The following DIAPH1 variants were observed in gnomAD, a reference collection of about 807,000 sequenced individuals.
DIAPH1 encodes protein diaphanous homolog 1.
Under a neutral mutation model 140.7 loss-of-function variants are expected in DIAPH1, and 46 were observed. The ratio of observed to expected loss-of-function variants is 0.33; its 90% CI spans 0.26 to 0.42. DIAPH1 has a LOEUF of 0.42. Ranked by LOEUF, DIAPH1 falls within the 10% of genes least tolerant of loss-of-function variation. The pLI, the probability that DIAPH1 is intolerant of heterozygous loss-of-function variation, is 1.00. For synonymous variants in DIAPH1, 565 were observed against 551.6 expected, an observed-to-expected ratio of 1.02 and a Z score of -0.34; for missense variants, 1,310 against 1,558.7, an observed-to-expected ratio of 0.84 and a Z score of 2.69.
At chr5:141,581,243 G>A (rs1367134860) in intron 7 of DIAPH1, among the ~76,000 whole-genome samples, 1 of 152,100 alleles carries the variant, frequency 6.6e-6, no homozygotes, top group African/African-American at 2.4e-5. Context: ...TTGCCAACAA[G>A]CTACCAGAAA....
chr5:141,517,617 A>C (rs919262901), intron 27 of DIAPH1, among the ~76,000 whole-genome samples: 1 of 152,070 alleles, frequency 6.6e-6, no homozygotes, highest in Non-Finnish European at 1.5e-5. Flanking sequence ...CAAAGGTAGC[A>C]GCCGTAATAC....
In DIAPH1 at chr5:141,576,523, C is replaced by G. The variant is rs138796276; in HGVS notation, c.1397-229G>C. On this transcript the variant is annotated intron_variant, in intron 13 of 27. Transcript: ENST00000389054. The stretch of plus-strand genomic sequence containing the variant: ...GAATGCCTATGAGTGATATTTTTGA[C>G]TCTCTGAGACCACCAGGAGTTCCTG... Among the ~76,000 whole-genome samples, 564 of 152,304 alleles carry G rather than the reference C, an allele frequency of 3.7e-3. 5 individuals are homozygous for G. Among genetic ancestry groups the G allele is most frequent in the Admixed American group, 0.011 (165 of 15,308 alleles).
intron 16 of DIAPH1, among the ~76,000 whole-genome samples, chr5:141,572,570 G>T (rs775085494): frequency 6.6e-6 from 1 of 152,184 alleles, no homozygotes; most frequent in Non-Finnish European, 1.5e-5. Context: ...GGGAGGCCAA[G>T]GTGGGCGGAT....
chr5:141,544,330 TAAAG>T (rs1273494495), intron 18 of DIAPH1, among the ~76,000 whole-genome samples: 3 of 151,276 alleles, frequency 2.0e-5, no homozygotes, highest in South Asian at 2.1e-4. Context: ...AAAATAAAAA[TAAAG>T]AAAGAAAAGA....
intron 1 of DIAPH1, among the ~76,000 whole-genome samples, chr5:141,606,638 G>C (rs2099901017): frequency 6.6e-6 from 1 of 152,036 alleles, no homozygotes; most frequent in Non-Finnish European, 1.5e-5. Flanking sequence ...CAGGTGATCT[G>C]CCCACCTCGG....
chr5:141,529,708 A>G lies in DIAPH1; in HGVS notation c.2582-11T>C, dbSNP rs769537207. 6.2e-6 allele frequency: 10 copies of G among 1,609,308 alleles called. No homozygotes were observed. Among genetic ancestry groups the G allele is most frequent in the Admixed American group, 3.3e-5 (2 of 60,012 alleles). On this transcript the variant is annotated splice_polypyrimidine_tract_variant and intron_variant, in intron 19 of 27. Coordinates refer to ENST00000389054, the MANE Select transcript of DIAPH1 (RefSeq NM_005219.5). ...AACCCAAAAAGATTGCTGCCAGAAAATGAGATATTAAGACATGTTCTTCTC... is the reference window on the plus strand; with the variant it reads ...AACCCAAAAAGATTGCTGCCAGAAAGTGAGATATTAAGACATGTTCTTCTC...
At chr5:141,526,688 TTGTTTGTTTGTTTG>T (rs1190301908) in intron 24 of DIAPH1, among the ~76,000 whole-genome samples, 1 of 149,010 alleles carries the variant, frequency 6.7e-6, no homozygotes, top group African/African-American at 2.5e-5. Flanking sequence ...AAACTGTTGT[TTGTTTGTTTGTTTG>T]TGTTTGTTTG....
At chr5:141,616,900 G>A (rs1379880014) in intron 1 of DIAPH1, among the ~76,000 whole-genome samples, 1 of 152,132 alleles carries the variant, frequency 6.6e-6, no homozygotes, top group Non-Finnish European at 1.5e-5. Flanking sequence ...AGACTTCATG[G>A]ACATTCCAAA....
At chr5:141,560,898 T>G (rs1480035320) in intron 18 of DIAPH1, 1 of 455,634 alleles carries the variant, frequency 2.2e-6, no homozygotes. Context: ...TTCCCTTCTT[T>G]GTTCCTGAGG....
chr5:141,580,893 C>T lies in DIAPH1; in HGVS notation c.685-10G>A. The stretch of plus-strand genomic sequence containing the variant: ...TGGTCTTGATTCCAAACTGGTAGGA[C>T]CAAGAACAAAGAAAGGAGGCTGAAA... On this transcript the variant is annotated splice_polypyrimidine_tract_variant and intron_variant, in intron 7 of 27. Transcript: ENST00000389054. 6.2e-7 allele frequency: 1 copy of T among 1,614,046 alleles called. No homozygotes were observed. The highest frequency in any genetic ancestry group is 8.5e-7 in the Non-Finnish European group (1 of 1,180,006).
At chr5:141,592,014 G>A (rs368324451) in intron 1 of DIAPH1, among the ~76,000 whole-genome samples, 21 of 149,954 alleles carry the variant, frequency 1.4e-4, no homozygotes, top group African/African-American at 3.9e-4. Flanking sequence ...CCCGGGAGGC[G>A]GAGGTTGCAG....
In DIAPH1 at chr5:141,516,877, T is replaced by A. The variant is rs2099885770; in HGVS notation, c.3793A>T (p.Lys1265Ter). 6 of 1,614,236 alleles carry A rather than the reference T, an allele frequency of 3.7e-6. No individual in the cohort carries two copies. The highest frequency in any genetic ancestry group is 5.1e-6 in the Non-Finnish European group (6 of 1,180,042). The part of the protein sequence containing the change: ...ETFPTILEEA[K>*]ELVGRAS ...TAGCTTGCACGGCCAACCAACTCCT[T>A]GGCTTCCTCAAGGATTGTGGGGAAT... The change falls in exon 28 of 28, where the codon AAG becomes TAG. Residue 1265 changes from lysine to a stop codon, truncating the protein, a stop_gained. Coordinates refer to ENST00000389054, the MANE Select transcript of DIAPH1 (RefSeq NM_005219.5). LOFTEE classifies it high-confidence loss of function.
At chr5:141,580,682 T>C in intron 8 of DIAPH1, 62 bp downstream of exon 8, 1 of 1,583,570 alleles carries the variant, frequency 6.3e-7, no homozygotes, top group Non-Finnish European at 8.7e-7. Context: ...TCAATTGTCC[T>C]CTGAACTAAG....
At chr5:141,594,478 A>G (rs2099898992) in intron 1 of DIAPH1, among the ~76,000 whole-genome samples, 2 of 152,208 alleles carry the variant, frequency 1.3e-5, no homozygotes. Context: ...GCGGTAGCTC[A>G]CACCTGTAAA....
chr5:141,573,754 C>A lies in DIAPH1; in HGVS notation c.2096G>T (p.Gly699Val). Residue 699 changes from glycine (G) to valine (V), a missense_variant, in exon 16 of 28, where the codon GGA becomes GTA. Gly to Val is a moderately radical substitution (Grantham distance 109, BLOSUM62 -3). Around this residue, in one of 3 missense-constraint regions of DIAPH1, gnomAD observed 589 missense variants for 549.3 expected, o/e 1.07. Transcript: ENST00000389054. Reference sequence around the variant, plus strand: ...CAAGGGAGGAGGTGGGGGGGGAATTCCAGCACTCCCAGGCAAAGGAGGTGG... The same window carrying A: ...CAAGGGAGGAGGTGGGGGGGGAATTACAGCACTCCCAGGCAAAGGAGGTGG... Reference protein sequence around the residue: ...PPPPPLPGSAGIPPPPPPLPG... With the variant: ...PPPPPLPGSAVIPPPPPPLPG... The A allele has an allele frequency of 6.5e-7, 1 of 1,529,198 alleles. No individual in the cohort carries two copies. 94.7% of individuals were successfully genotyped at this position (1,529,198 alleles called of 1,614,324 possible).
At chr5:141,601,318 G>A (rs1026150400) in intron 1 of DIAPH1, among the ~76,000 whole-genome samples, 1 of 149,974 alleles carries the variant, frequency 6.7e-6, no homozygotes, top group African/African-American at 2.5e-5. Flanking sequence ...TTGAGATGAA[G>A]TATCACTCTG....
chr5:141,570,452 G>C lies in DIAPH1; in HGVS notation c.2482+976C>G, dbSNP rs191138581. Reference sequence around the variant, plus strand: ...AGGAAAAGGCCATTTTGACCTGAATGACAGGGCAACAAGACAGATCTGAGC... The same window carrying C: ...AGGAAAAGGCCATTTTGACCTGAATCACAGGGCAACAAGACAGATCTGAGC... On this transcript the variant is annotated intron_variant, in intron 18 of 27. Transcript: ENST00000389054. 6.3e-3 allele frequency among the ~76,000 whole-genome samples: 959 copies of C among 152,188 alleles called. 14 individuals carry two copies. The highest frequency in any genetic ancestry group is 8.8e-3 in the Non-Finnish European group (596 of 67,990).
At chr5:141,579,347 T>C in intron 8 of DIAPH1, 151 bp from the exon 9 acceptor site, 1 of 771,412 alleles carries the variant, frequency 1.3e-6, no homozygotes, top group Non-Finnish European at 2.4e-6. Context: ...ACCACTCAGT[T>C]TCCAGAAACT....
intron 1 of DIAPH1, 40 bp from the exon 2 acceptor site, chr5:141,588,290 A>T (rs752052296): frequency 6.5e-7 from 1 of 1,545,142 alleles, no homozygotes; most frequent in African/African-American, 1.4e-5. Context: ...AAGAAGAGAA[A>T]TCAGTGAAGT....
Sources: gnomAD v4.1 joint callset for allele counts (sites outside exome capture counted in the v4.1 genomes callset) on GRCh38, gnomAD v4.1.1 for gene constraint, gnomAD v4.1.1 regional missense constraint, MANE v1.5 for transcripts, NCBI Gene and HGNC (gene_info 2026-07-23, HGNC 2026-07-21) for gene names.